Variants in ARB2A observed in about 807,000 individuals in gnomAD.
The protein encoded by ARB2A is cotranscriptional regulator ARB2A.
At chr5:93,671,543 G>C in the ARB2A span, among the ~76,000 whole-genome samples, 7 of 151,722 alleles carry the variant, frequency 4.6e-5, no homozygotes, top group Admixed American at 1.3e-4. Context: ...TAAAAAGTAG[G>C]ATTTACAATT....
the ARB2A span, among the ~76,000 whole-genome samples, chr5:93,971,251 G>A: frequency 1.3e-5 from 2 of 152,024 alleles, no homozygotes; most frequent in Admixed American, 6.6e-5. Flanking sequence ...GCCCGCCTCG[G>A]CCTCCCAAAA....
At chr5:93,636,379 G>A in the ARB2A span, among the ~76,000 whole-genome samples, 1 of 152,170 alleles carries the variant, frequency 6.6e-6, no homozygotes, top group East Asian at 1.9e-4. Flanking sequence ...TCTCTAATGT[G>A]GTGGTATCTG....
At chr5:93,706,991 T>A in the ARB2A span, among the ~76,000 whole-genome samples, 1 of 152,204 alleles carries the variant, frequency 6.6e-6, no homozygotes, top group Non-Finnish European at 1.5e-5. Flanking sequence ...AGCTCTTTTT[T>A]AAACTCATAA....
the ARB2A span, among the ~76,000 whole-genome samples, chr5:93,956,975 C>A: frequency 6.6e-6 from 1 of 152,054 alleles, no homozygotes; most frequent in African/African-American, 2.4e-5. Flanking sequence ...ACGTGTGCTG[C>A]ATGCTTAGAA....
the ARB2A span, among the ~76,000 whole-genome samples, chr5:93,810,095 G>A: frequency 6.6e-6 from 1 of 151,608 alleles, no homozygotes; most frequent in South Asian, 2.1e-4. Context: ...AAAGAATTTT[G>A]TGCTTTACAA....
chr5:94,092,920 G>A, the ARB2A span, among the ~76,000 whole-genome samples: 1 of 152,032 alleles, frequency 6.6e-6, no homozygotes, highest in African/African-American at 2.4e-5. Context: ...AAAGGACACA[G>A]CTCTTTAAAT....
the ARB2A span, among the ~76,000 whole-genome samples, chr5:93,629,445 T>G: frequency 2.0e-5 from 3 of 152,272 alleles, no homozygotes; most frequent in East Asian, 5.8e-4. Flanking sequence ...GACACAGGGT[T>G]GCTGCAAATC....
At chr5:93,701,938 A>G in the ARB2A span, among the ~76,000 whole-genome samples, 1 of 152,164 alleles carries the variant, frequency 6.6e-6, no homozygotes, top group Admixed American at 6.6e-5. Context: ...TCTTTAATCT[A>G]CTTTGAACTG....
At chr5:94,087,373 T>C in the ARB2A span, among the ~76,000 whole-genome samples, 6 of 151,888 alleles carry the variant, frequency 4.0e-5, no homozygotes, top group Non-Finnish European at 7.4e-5. Context: ...CCCACTGCAC[T>C]CCACCTGGGC....
the ARB2A span, among the ~76,000 whole-genome samples, chr5:93,812,785 T>C: frequency 1.3e-5 from 2 of 152,346 alleles, no homozygotes; most frequent in Admixed American, 6.5e-5. Flanking sequence ...CACTAAAATA[T>C]TGAATAGCAA....
the ARB2A span, among the ~76,000 whole-genome samples, chr5:94,063,601 C>T: frequency 6.6e-6 from 1 of 152,076 alleles, no homozygotes; most frequent in African/African-American, 2.4e-5. Flanking sequence ...CATATGCCTC[C>T]CTGGAACCTA....
At chr5:94,089,035 CA>C in the ARB2A span, among the ~76,000 whole-genome samples, 1 of 151,854 alleles carries the variant, frequency 6.6e-6, no homozygotes, top group East Asian at 1.9e-4. Context: ...CTTGTTTTTC[CA>C]AAATAAGGTG....
At chr5:93,682,817 A>T in the ARB2A span, 1 of 1,241,096 alleles carries the variant, frequency 8.1e-7, no homozygotes, top group Non-Finnish European at 1.2e-6. Flanking sequence ...AATTTTTAAC[A>T]AATTGTTTAA....
chr5:93,859,562 G>A, the ARB2A span, among the ~76,000 whole-genome samples: 191 of 152,242 alleles, frequency 1.3e-3, no homozygotes, highest in African/African-American at 4.4e-3. Flanking sequence ...AAAAAGACAA[G>A]CCAAAGAGTG....
the ARB2A span, among the ~76,000 whole-genome samples, chr5:93,687,374 C>G: frequency 3.3e-5 from 5 of 152,048 alleles, no homozygotes; most frequent in Non-Finnish European, 7.4e-5. Context: ...AGAAATTTCA[C>G]TTTTTGAAAT....
chr5:93,629,202 G>A, the ARB2A span, among the ~76,000 whole-genome samples: 1 of 152,138 alleles, frequency 6.6e-6, no homozygotes, highest in Non-Finnish European at 1.5e-5. Context: ...CCAATCCAAC[G>A]AGTAGTCAGA....
the ARB2A span, chr5:93,621,125 G>C: frequency 6.2e-7 from 1 of 1,611,030 alleles, no homozygotes; most frequent in Non-Finnish European, 8.5e-7. Context: ...CGTGACGGTC[G>C]GTGCCTGCAA....
At chr5:94,050,695 G>T in the ARB2A span, 2 of 1,461,034 alleles carry the variant, frequency 1.4e-6, no homozygotes, top group Non-Finnish European at 1.9e-6. Context: ...ATTTAAAATT[G>T]GGAAAAACAA....
the ARB2A span, among the ~76,000 whole-genome samples, chr5:93,821,827 A>G: frequency 2.0e-5 from 3 of 151,938 alleles, no homozygotes; most frequent in South Asian, 4.2e-4. Flanking sequence ...GTATGAGGTC[A>G]GGAACCAGTC....
Sources: gnomAD v4.1 joint callset for allele counts (sites outside exome capture counted in the v4.1 genomes callset) on GRCh38, gnomAD v4.1.1 for gene constraint, MANE v1.5 for transcripts, NCBI Gene and HGNC (gene_info 2026-07-23, HGNC 2026-07-21) for gene names.